Variants in ASL observed in about 807,000 individuals in gnomAD.
ASL encodes argininosuccinate lyase.
A neutral mutation model predicts 69.1 loss-of-function variants in ASL; 51 were observed. The ratio of observed to expected loss-of-function variants is 0.74; its 90% CI spans 0.59 to 0.93. ASL has a LOEUF of 0.93. ASL is among the 40% of genes least tolerant of loss of function. The probability of loss-of-function intolerance (pLI) is 0.00; values close to 1 mark genes in which losing one functional copy is unlikely to be tolerated. For synonymous variants in ASL, 241 were observed against 247.6 expected (o/e 0.97, Z 0.25); for missense variants, 540 against 623.9 (o/e 0.87, Z 1.43).
At position 66,089,258 on chromosome 7, in the gene ASL, G is replaced by T; in HGVS notation, c.919-18G>T. The T allele has an allele frequency of 6.2e-7, 1 of 1,611,354 alleles. No homozygotes were observed. The highest frequency in any genetic ancestry group is 2.2e-5 in the East Asian group (1 of 44,800). ...GCAGGATCCCGGGTCCAGCCCCTGTGCCTCCCTCTTCCCGCAGTGTGCCGG... is the reference window on the plus strand; with the variant it reads ...GCAGGATCCCGGGTCCAGCCCCTGTTCCTCCCTCTTCCCGCAGTGTGCCGG... On this transcript the variant is annotated intron_variant, in intron 12 of 16. Coordinates refer to ENST00000304874, the MANE Select transcript of ASL (RefSeq NM_000048.4).
chr7:66,087,545 A>C, intron 9 of ASL, 159 bp downstream of exon 9: 1 of 1,003,420 alleles, frequency 1.0e-6, no homozygotes, highest in East Asian at 2.6e-5. Context: ...GGGGTCACTC[A>C]TGGCAGGGAT....
intron 8 of ASL, 40 bp from the exon 9 acceptor site, chr7:66,087,294 T>G (rs775329505): frequency 1.9e-6 from 3 of 1,539,788 alleles, no homozygotes; most frequent in African/African-American, 2.7e-5. Context: ...CAGGGCTGCC[T>G]GCCAGGAGCC....
chr7:66,092,661 C>T lies in ASL; in HGVS notation c.1248C>T (p.Ile416=). ...NQLSLQELQT[I]SPLFSGDVIC... ...TGTCACTGCAGGAGCTGCAGACCATCAGGTACGGCCCATCCCCTTCCCCAT... is the reference window on the plus strand; with the variant it reads ...TGTCACTGCAGGAGCTGCAGACCATTAGGTACGGCCCATCCCCTTCCCCAT... Residue 416 remains isoleucine, a splice_region_variant and synonymous_variant, in exon 16 of 17, where the codon ATC becomes ATT. Coordinates refer to ENST00000304874, the MANE Select transcript of ASL (RefSeq NM_000048.4). The T allele has an allele frequency of 6.2e-7, 1 of 1,613,806 alleles. No homozygotes were observed. Among genetic ancestry groups the T allele is most frequent in the Non-Finnish European group, 8.5e-7 (1 of 1,180,004 alleles).
intron 2 of ASL, among the ~76,000 whole-genome samples, chr7:66,077,758 A>G (rs1786390146): frequency 6.6e-6 from 1 of 152,144 alleles, no homozygotes; most frequent in Non-Finnish European, 1.5e-5. Context: ...ACAAGTCCCA[A>G]AACCAAAACT....
intron 13 of ASL, 66 bp from the exon 14 acceptor site, chr7:66,089,546 G>A: frequency 1.3e-6 from 2 of 1,562,286 alleles, no homozygotes; most frequent in Admixed American, 3.4e-5. Flanking sequence ...GTGGGGGGGT[G>A]GGGCTGTGGG....
intron 2 of ASL, among the ~76,000 whole-genome samples, chr7:66,078,643 T>C (rs1786415386): frequency 6.6e-6 from 1 of 151,940 alleles, no homozygotes. Flanking sequence ...TTATTATTAT[T>C]ATTATTTTTA....
rs373749562 is a variant in ASL at position 66,089,086 on chromosome 7, C to T, written c.834-5C>T. ...CCCCTTCAGCGCCAGCACCTCTGTCCCCAGCACGGGAAGCAGCCTGATGCC... is the reference window on the plus strand; with the variant it reads ...CCCCTTCAGCGCCAGCACCTCTGTCTCCAGCACGGGAAGCAGCCTGATGCC... On this transcript the variant is annotated splice_polypyrimidine_tract_variant and splice_region_variant and intron_variant, in intron 11 of 16. Coordinates refer to ENST00000304874, the MANE Select transcript of ASL (RefSeq NM_000048.4). The T allele has an allele frequency of 1.9e-6, 3 of 1,613,890 alleles. No individual in the cohort carries two copies. Among genetic ancestry groups the T allele is most frequent in the Middle Eastern group, 3.3e-4 (2 of 6,062 alleles).
intron 2 of ASL, 23 bp downstream of exon 2, chr7:66,076,116 C>T (rs776531650): frequency 5.6e-5 from 89 of 1,588,004 alleles, no homozygotes; most frequent in Non-Finnish European, 7.3e-5. Context: ...TCGGGGACTC[C>T]GGTCCTCCTA....
chr7:66,089,568 C>T, intron 13 of ASL, 44 bp from the exon 14 acceptor site: 1 of 1,605,016 alleles, frequency 6.2e-7, no homozygotes, highest in Non-Finnish European at 8.5e-7. Flanking sequence ...ACCCTGGGTG[C>T]CAGGGGGCTG....
intron 2 of ASL, among the ~76,000 whole-genome samples, chr7:66,081,271 T>C (rs993528265): frequency 1.3e-5 from 2 of 152,022 alleles, no homozygotes; most frequent in Non-Finnish European, 2.9e-5. Context: ...AGGGGTGCCA[T>C]GTGGTGGGAA....
chr7:66,078,792 G>C (rs142987470), intron 2 of ASL, among the ~76,000 whole-genome samples: 2 of 151,240 alleles, frequency 1.3e-5, no homozygotes, highest in African/African-American at 4.9e-5. Context: ...CTGCCACCGC[G>C]CCTGGCTAAT....
At chr7:66,086,862 G>T (rs373263353) in intron 8 of ASL, 41 bp downstream of exon 8, 4 of 1,544,526 alleles carry the variant, frequency 2.6e-6, no homozygotes, top group African/African-American at 2.7e-5. Flanking sequence ...GGTGGGGGTG[G>T]CTGCTGCATA....
rs781367717 is a variant in ASL at position 66,089,488 on chromosome 7, G to C, written c.979-124G>C. ...CCCTTGAACTCTCTGCCCTTCCTTT[G>C]TTGGGGTATTGAGTGTTCTTCCCAT... On this transcript the variant is annotated intron_variant, in intron 13 of 16. Coordinates refer to ENST00000304874, the MANE Select transcript of ASL (RefSeq NM_000048.4). 19 of 1,427,912 alleles carry C rather than the reference G, an allele frequency of 1.3e-5. No homozygotes were observed. In the African/African-American group the frequency reaches 2.7e-4, roughly 20 times the overall value. 88.5% of individuals were successfully genotyped at this position (1,427,912 alleles called of 1,614,324 possible). A position where few individuals can be genotyped will look rare whatever the true frequency, so the allele number is the denominator to read the frequency against.
intron 8 of ASL, 158 bp downstream of exon 8, chr7:66,086,979 C>T: frequency 1.1e-6 from 1 of 936,562 alleles, no homozygotes; most frequent in Non-Finnish European, 1.6e-6. Flanking sequence ...AAGGTGACGA[C>T]CAAGCCATTG....
At position 66,092,571 on chromosome 7, in the gene ASL, G is replaced by T. The variant is rs1161854708; in HGVS notation, c.1158G>T (p.Gln386His). The change falls in exon 16 of 17, where the codon CAG (glutamine) becomes CAT (histidine). Residue 386 changes from glutamine (Q) to histidine (H), a missense_variant. Transcript: ENST00000304874. Reference protein sequence around the residue: ...YLVRKGMPFRQAHEASGKAVF... With the variant: ...YLVRKGMPFRHAHEASGKAVF... ...CTGGCACCCAGATGCCATTCCGCCA[G>T]GCCCACGAGGCCTCCGGGAAAGCTG... is the stretch of plus-strand genomic sequence containing the variant. The T allele has an allele frequency of 1.9e-6, 3 of 1,610,318 alleles. No individual in the cohort carries two copies. The highest frequency in any genetic ancestry group is 2.5e-6 in the Non-Finnish European group (3 of 1,179,964).
rs377357084 is a variant in ASL, at chr7:66,092,043, A to G, written c.1100A>G (p.Asp367Gly). The G allele has an allele frequency of 6.2e-7, 1 of 1,613,406 alleles. No homozygotes were observed. The highest frequency in any genetic ancestry group is 1.3e-5 in the African/African-American group (1 of 74,904). Residue 367 changes from aspartate to glycine, a missense_variant, in exon 15 of 17, where the codon GAC becomes GGC. Transcript: ENST00000304874. ...QENMGQALSP[D>G]MLATDLAYYL... ...AACATGGGACAGGCTCTCAGCCCCG[A>G]CATGCTGGCCACTGACCTTGCCTAT...
intron 6 of ASL, 107 bp from the exon 7 acceptor site, chr7:66,086,478 G>A: frequency 8.5e-7 from 1 of 1,171,958 alleles, no homozygotes; most frequent in Non-Finnish European, 1.3e-6. Context: ...GTGGAGTGCT[G>A]CAGCGTGACA....
At chr7:66,082,344 C>T (rs551946013) in intron 3 of ASL, 24 bp from the exon 4 acceptor site, 39 of 1,600,662 alleles carry the variant, frequency 2.4e-5, no homozygotes, top group Middle Eastern at 1.7e-4. Context: ...CACCTGACCC[C>T]GGCATTGCTG....
In ASL at chr7:66,092,592, A is replaced by G; in HGVS notation, c.1179A>G (p.Lys393=). The change falls in exon 16 of 17, where the codon AAA becomes AAG. Residue 393 remains lysine, a synonymous_variant. Transcript: ENST00000304874. ...GCCAGGCCCACGAGGCCTCCGGGAA[A>G]GCTGTGTTCATGGCCGAGACCAAGG... ...PFRQAHEASG[K]AVFMAETKGV... is the part of the protein sequence containing the mutation. The G allele has an allele frequency of 6.2e-7, 1 of 1,612,396 alleles. No individual in the cohort carries two copies.
Sources: gnomAD v4.1 joint callset for allele counts (sites outside exome capture counted in the v4.1 genomes callset) on GRCh38, gnomAD v4.1.1 for gene constraint, MANE v1.5 for transcripts, NCBI Gene and HGNC (gene_info 2026-07-23, HGNC 2026-07-21) for gene names.